The following CACNA2D3 variants were observed in gnomAD, a reference collection of about 807,000 sequenced individuals.
The protein encoded by CACNA2D3 is voltage-dependent calcium channel subunit alpha-2/delta-3.
Under a neutral mutation model 160.6 loss-of-function variants are expected in CACNA2D3, and 60 were observed. That is an observed-to-expected ratio of 0.37 (90% CI 0.30 to 0.46). CACNA2D3 has a LOEUF of 0.46. CACNA2D3 is among the 20% of genes least tolerant of loss of function. The probability of loss-of-function intolerance (pLI) is 1.00; values close to 1 mark genes in which losing one functional copy is unlikely to be tolerated. For synonymous variants in CACNA2D3, 558 were observed against 492.9 expected, an observed-to-expected ratio of 1.13 and a Z score of -1.75; for missense variants, 1,205 against 1,365.0, an observed-to-expected ratio of 0.88 and a Z score of 1.85.
In CACNA2D3 at chr3:54,815,114, G is replaced by A. The variant is rs79633075; in HGVS notation, c.1381-1739G>A. Reference sequence around the variant, plus strand: ...CATTTTAAACTCAGTTTCTCATCTCGTGGTCTATTTTTTTCTGAACTCTTG... The same window carrying A: ...CATTTTAAACTCAGTTTCTCATCTCATGGTCTATTTTTTTCTGAACTCTTG... On this transcript the variant is annotated intron_variant, in intron 13 of 37. Coordinates refer to ENST00000474759, the MANE Select transcript of CACNA2D3 (RefSeq NM_018398.3). 2.5e-3 allele frequency among the ~76,000 whole-genome samples: 377 copies of A among 152,068 alleles called. 3 individuals carry two copies. Among genetic ancestry groups the A allele is most frequent in the African/African-American group, 8.6e-3 (357 of 41,452 alleles).
chr3:55,073,637 A>ATATT (rs1362493893), intron 36 of CACNA2D3, 80 bp downstream of exon 36: 9 of 1,306,010 alleles, frequency 6.9e-6, no homozygotes, highest in African/African-American at 4.4e-5. Context: ...TGGGGGAGAA[A>ATATT]TATTAGAGAA....
At chr3:55,019,762 A>T (rs575477785) in intron 35 of CACNA2D3, among the ~76,000 whole-genome samples, 1 of 152,280 alleles carries the variant, frequency 6.6e-6, no homozygotes, top group East Asian at 1.9e-4. Context: ...GTTGCACTAT[A>T]CTTCTGACAC....
At chr3:54,443,394 A>G (rs564786326) in intron 4 of CACNA2D3, among the ~76,000 whole-genome samples, 164 of 152,298 alleles carry the variant, frequency 1.1e-3, no homozygotes, top group African/African-American at 3.8e-3. Flanking sequence ...AGCGTCTTAG[A>G]TTGTGGTACA....
chr3:54,978,209 A>G (rs957733798), intron 29 of CACNA2D3, among the ~76,000 whole-genome samples: 1 of 152,202 alleles, frequency 6.6e-6, no homozygotes, highest in African/African-American at 2.4e-5. Flanking sequence ...CCGTCTGGGA[A>G]TGCAGCCCAA....
intron 27 of CACNA2D3, among the ~76,000 whole-genome samples, chr3:54,937,107 C>G (rs1261330090): frequency 6.6e-6 from 1 of 152,158 alleles, no homozygotes; most frequent in Non-Finnish European, 1.5e-5. Flanking sequence ...TTGGTGCTTT[C>G]CACTTCTGAA....
chr3:55,004,894 T>G, intron 32 of CACNA2D3, 56 bp downstream of exon 32: 3 of 1,231,910 alleles, frequency 2.4e-6, no homozygotes, highest in Non-Finnish European at 3.6e-6. Context: ...TTTCTCCCTG[T>G]CTGAGTGTTA....
chr3:54,874,984 C>T (rs1009081031), intron 18 of CACNA2D3: 1 of 152,120 alleles, frequency 6.6e-6, no homozygotes, highest in East Asian at 1.9e-4. Flanking sequence ...AACTACAATC[C>T]CTTCTGTTGT....
intron 2 of CACNA2D3, among the ~76,000 whole-genome samples, chr3:54,301,734 G>T (rs1703481275): frequency 6.6e-6 from 1 of 152,086 alleles, no homozygotes; most frequent in African/African-American, 2.4e-5. Flanking sequence ...GCACACATGG[G>T]CGCACACACA....
intron 2 of CACNA2D3, among the ~76,000 whole-genome samples, chr3:54,259,080 T>C (rs1702355637): frequency 6.6e-6 from 1 of 152,230 alleles, no homozygotes; most frequent in South Asian, 2.1e-4. Context: ...TCAGCCACAA[T>C]GTGGGCAGGG....
chr3:54,824,697 A>G (rs1352967829), intron 14 of CACNA2D3, among the ~76,000 whole-genome samples: 2 of 152,134 alleles, frequency 1.3e-5, no homozygotes, highest in East Asian at 3.9e-4. Context: ...TTAATGGGGT[A>G]CAGACACGTC....
At chr3:54,903,807 A>G (rs939765830) in intron 27 of CACNA2D3, among the ~76,000 whole-genome samples, 14 of 152,172 alleles carry the variant, frequency 9.2e-5, no homozygotes, top group African/African-American at 3.4e-4. Flanking sequence ...TCTAATGATC[A>G]GTGATGTTGA....
At chr3:54,952,570 C>A (rs1701785304) in intron 27 of CACNA2D3, among the ~76,000 whole-genome samples, 2 of 152,182 alleles carry the variant, frequency 1.3e-5, no homozygotes, top group Non-Finnish European at 2.9e-5. Flanking sequence ...GGGACAGGGT[C>A]ATTAAATGCA....
intron 4 of CACNA2D3, among the ~76,000 whole-genome samples, chr3:54,399,598 C>T (rs928444862): frequency 7.6e-5 from 2 of 26,446 alleles, no homozygotes; most frequent in Non-Finnish European, 1.5e-4. Flanking sequence ...CAGTGTGCCC[C>T]TGCTGGGGGG....
chr3:54,943,954 G>A (rs768902002), intron 27 of CACNA2D3, among the ~76,000 whole-genome samples: 41 of 152,136 alleles, frequency 2.7e-4, no homozygotes, highest in Admixed American at 1.8e-3. Flanking sequence ...AATTTCCTCC[G>A]ACCTTGTAGC....
At chr3:54,719,163 C>CTTTT (rs527632302) in intron 11 of CACNA2D3, among the ~76,000 whole-genome samples, 105 of 132,580 alleles carry the variant, frequency 7.9e-4, no homozygotes, top group African/African-American at 9.8e-4. Context: ...CACTGGATTT[C>CTTTT]TTTTTTTTTT....
chr3:54,627,464 C>T (rs954616218), intron 9 of CACNA2D3, among the ~76,000 whole-genome samples: 5 of 151,778 alleles, frequency 3.3e-5, no homozygotes, highest in Admixed American at 6.6e-5. Context: ...TGATCAGGAG[C>T]GGGAGAGTAG....
rs143101931 is a variant in CACNA2D3 at position 54,739,952 on chromosome 3, A to G, written c.1168-12647A>G. On this transcript the variant is annotated intron_variant, in intron 11 of 37. Transcript: ENST00000474759. ...CAACTTCCGCAAGGGCAGAGACCAT[A>G]TGGATTTTTTCCTCCCCATTGTGCC... Among the ~76,000 whole-genome samples, 6 of 152,200 alleles carry G rather than the reference A, an allele frequency of 3.9e-5. No homozygotes were observed. In the East Asian group the frequency reaches 1.2e-3, roughly 29 times the overall value.
intron 17 of CACNA2D3, among the ~76,000 whole-genome samples, chr3:54,848,080 G>A (rs925727593): frequency 2.0e-5 from 3 of 152,180 alleles, no homozygotes; most frequent in African/African-American, 7.2e-5. Context: ...ATGATTAGCT[G>A]CCCGCCACAC....
At chr3:54,822,795 C>CTTTTT (rs755241287) in intron 14 of CACNA2D3, among the ~76,000 whole-genome samples, 1 of 62,426 alleles carries the variant, frequency 1.6e-5, no homozygotes, top group African/African-American at 6.4e-5. Context: ...TCTTTCCTTT[C>CTTTTT]TTTCTTTCTT....
Sources: gnomAD v4.1 joint callset for allele counts (sites outside exome capture counted in the v4.1 genomes callset) on GRCh38, gnomAD v4.1.1 for gene constraint, MANE v1.5 for transcripts, NCBI Gene and HGNC (gene_info 2026-07-23, HGNC 2026-07-21) for gene names.